Variants in EPHA6 observed in about 807,000 individuals in gnomAD.
EPHA6 encodes the protein ephrin type-A receptor 6.
A neutral mutation model predicts 112.0 loss-of-function variants in EPHA6; 50 were observed. The ratio of observed to expected loss-of-function variants is 0.45; its 90% confidence interval spans 0.36 to 0.56. The LOEUF (loss-of-function observed/expected upper bound fraction) is 0.56, where lower values mean the gene tolerates loss of function less well. Among genes scored for constraint, EPHA6 ranks in the 20% least tolerant of loss-of-function variants. The probability of loss-of-function intolerance (pLI) is 0.00; values close to 1 mark genes in which losing one functional copy is unlikely to be tolerated. For synonymous variants in EPHA6, 529 were observed against 490.7 expected (o/e 1.08, Z -1.03); for missense variants, 1,280 against 1,417.4 (o/e 0.90, Z 1.56).
At chr3:96,987,207 TA>T (rs1455422441) in intron 2 of EPHA6, 122 bp from the exon 3 acceptor site, 2 of 797,148 alleles carry the variant, frequency 2.5e-6, no homozygotes, top group East Asian at 5.2e-5. Context: ...ATACTTTGAG[TA>T]GCTTCATTTG....
chr3:97,153,968 C>G (rs969857522), intron 3 of EPHA6, among the ~76,000 whole-genome samples: 8 of 151,930 alleles, frequency 5.3e-5, no homozygotes, highest in African/African-American at 1.9e-4. Context: ...GAGTTCGAAA[C>G]CAGCCTGCCC....
At chr3:97,617,306 C>T (rs548436417) in intron 13 of EPHA6, among the ~76,000 whole-genome samples, 15 of 152,028 alleles carry the variant, frequency 9.9e-5, no homozygotes, top group Non-Finnish European at 1.8e-4. Context: ...AAACTATTAC[C>T]AGCCACAACA....
chr3:97,486,694 T>C (rs1241589541), intron 10 of EPHA6, among the ~76,000 whole-genome samples: 1 of 152,090 alleles, frequency 6.6e-6, no homozygotes, highest in Non-Finnish European at 1.5e-5. Flanking sequence ...CTAAACACAG[T>C]TGTATTAAGG....
At chr3:96,931,046 G>A (rs1267661089) in intron 2 of EPHA6, among the ~76,000 whole-genome samples, 3 of 140,080 alleles carry the variant, frequency 2.1e-5, no homozygotes, top group African/African-American at 7.8e-5. Flanking sequence ...CTGCTTTTTG[G>A]TAGAGCAAGT....
Position 97,437,118 on chromosome 3 carries a change from GTTC to G in EPHA6, c.1732-11444_1732-11442del, listed in dbSNP as rs2089890993. ...TGTATTTTATGTGTGGCCCAAGACA[GTTC>G]TTCTTTGTCCAATGTGGCCAGGGAA... On this transcript the variant is annotated intron_variant, in intron 6 of 17. Coordinates refer to ENST00000389672, the MANE Select transcript of EPHA6 (RefSeq NM_001080448.3). Among the ~76,000 whole-genome samples, 8 of 151,872 alleles carry G rather than the reference GTTC, an allele frequency of 5.3e-5. No individual in the cohort carries two copies. The South Asian group carries it at 1.2e-3, about 24-fold the overall frequency.
intron 3 of EPHA6, among the ~76,000 whole-genome samples, chr3:97,008,688 G>A (rs1378230805): frequency 2.0e-5 from 3 of 152,096 alleles, no homozygotes; most frequent in African/African-American, 7.2e-5. Flanking sequence ...TTGAGAAGAG[G>A]CACTCTGGCC....
chr3:97,237,425 G>A (rs765262129), intron 4 of EPHA6, among the ~76,000 whole-genome samples: 4 of 151,808 alleles, frequency 2.6e-5, no homozygotes, highest in South Asian at 4.2e-4. Flanking sequence ...TTTCAGCAGA[G>A]GTTCTTTTAT....
At chr3:97,077,140 T>C (rs1468308122) in intron 3 of EPHA6, among the ~76,000 whole-genome samples, 2 of 152,146 alleles carry the variant, frequency 1.3e-5, no homozygotes, top group African/African-American at 4.8e-5. Flanking sequence ...ATTCTTCTGA[T>C]GAATCTGGCA....
chr3:97,313,777 G>A (rs567326263), intron 5 of EPHA6, among the ~76,000 whole-genome samples: 1 of 151,436 alleles, frequency 6.6e-6, no homozygotes, highest in South Asian at 2.1e-4. Flanking sequence ...TTGACTATTA[G>A]CCCCTTAACA....
intron 2 of EPHA6, among the ~76,000 whole-genome samples, chr3:96,894,904 A>G (rs1485372070): frequency 6.6e-6 from 1 of 152,216 alleles, no homozygotes; most frequent in Non-Finnish European, 1.5e-5. Flanking sequence ...AGACCTCAAC[A>G]AGCTTCCTAA....
chr3:97,081,117 G>C (rs923240690), intron 3 of EPHA6, among the ~76,000 whole-genome samples: 1 of 151,594 alleles, frequency 6.6e-6, no homozygotes, highest in East Asian at 1.9e-4. Context: ...TTGTCAAATT[G>C]GCACTAAAAA....
chr3:97,744,333 A>T (rs1343582434), intron 16 of EPHA6, among the ~76,000 whole-genome samples: 1 of 152,092 alleles, frequency 6.6e-6, no homozygotes, highest in Non-Finnish European at 1.5e-5. Flanking sequence ...TAAATTTATC[A>T]TTGTACATGT....
At chr3:97,201,288 TC>T (rs1249005668) in intron 3 of EPHA6, among the ~76,000 whole-genome samples, 1 of 152,130 alleles carries the variant, frequency 6.6e-6, no homozygotes, top group Non-Finnish European at 1.5e-5. Context: ...ACTAAACACA[TC>T]TATAAAAATG....
chr3:96,947,961 A>T (rs1304039896), intron 2 of EPHA6, among the ~76,000 whole-genome samples: 2 of 152,176 alleles, frequency 1.3e-5, no homozygotes, highest in African/African-American at 4.8e-5. Context: ...AGCCAAAAGA[A>T]CAAAGCTGGA....
chr3:97,555,560 T>C (rs1301796601), intron 11 of EPHA6, among the ~76,000 whole-genome samples: 2 of 152,082 alleles, frequency 1.3e-5, no homozygotes, highest in East Asian at 1.9e-4. Context: ...AAAAGTGTTC[T>C]TATTTCTCCA....
At chr3:97,220,418 A>G (rs1211266176) in intron 3 of EPHA6, among the ~76,000 whole-genome samples, 1 of 152,178 alleles carries the variant, frequency 6.6e-6, no homozygotes, top group East Asian at 1.9e-4. Flanking sequence ...CAATTTTCAT[A>G]CTACTATAAA....
intron 11 of EPHA6, 76 bp downstream of exon 11, chr3:97,532,619 A>G (rs2092708399): frequency 8.5e-7 from 1 of 1,181,730 alleles, no homozygotes. Context: ...AAAAATCTTC[A>G]TAATAATACC....
chr3:97,216,992 A>G (rs2078051681), intron 3 of EPHA6, among the ~76,000 whole-genome samples: 1 of 152,166 alleles, frequency 6.6e-6, no homozygotes, highest in Non-Finnish European at 1.5e-5. Context: ...AAATATGTGG[A>G]AAAAAACATA....
intron 3 of EPHA6, among the ~76,000 whole-genome samples, chr3:97,205,351 C>T (rs1039225091): frequency 8.6e-5 from 13 of 151,780 alleles, no homozygotes; most frequent in Non-Finnish European, 1.2e-4. Context: ...AGTGCCCTTT[C>T]AATTACATAA....
Sources: allele counts gnomAD v4.1 joint callset (sites outside exome capture counted in the v4.1 genomes callset), GRCh38; gene constraint gnomAD v4.1.1; transcripts MANE v1.5; gene names NCBI Gene and HGNC (gene_info 2026-07-23, HGNC 2026-07-21).